Variants in COL4A5 observed in about 807,000 individuals in gnomAD.
COL4A5 encodes collagen type IV alpha 5 chain.
In COL4A5, 26 loss-of-function variants were observed where a neutral mutation model predicts 130.2. That is an observed-to-expected ratio of 0.20 (90% CI 0.15 to 0.28). The LOEUF (loss-of-function observed/expected upper bound fraction) is 0.28. Among genes scored for constraint, COL4A5 ranks in the 10% least tolerant of loss-of-function variants. The pLI, the probability that COL4A5 is intolerant of heterozygous loss-of-function variation, is 1.00. For missense variants in COL4A5, 1,131 were observed against 1,344.3 expected, an observed-to-expected ratio of 0.84 and a Z score of 2.48; for synonymous variants, 496 against 439.6, an observed-to-expected ratio of 1.13 and a Z score of -1.60.
chrX:108,537,200 A>G (rs905179886), intron 1 of COL4A5, among the ~76,000 whole-genome samples: 2 of 111,272 alleles, frequency 1.8e-5, no homozygotes, highest in African/African-American at 3.3e-5. Context: ...CGCCACTGTT[A>G]TAACTGTATA....
At chrX:108,581,561 C>A (rs907645789) in intron 16 of COL4A5, among the ~76,000 whole-genome samples, 2 of 111,160 alleles carry the variant, frequency 1.8e-5, no homozygotes, top group Admixed American at 9.6e-5. Context: ...ATTCCCCTAT[C>A]CCAACCCCCT....
rs2068752901 is a variant in COL4A5 at position 108,697,362 on chromosome X, A to T, written c.*984A>T. Reference sequence around the variant, plus strand: ...GCCTCTGCTTGTACAGAACTGGGAAACAACACTTGGTTAGTCTCTTTTAAG... The same window carrying T: ...GCCTCTGCTTGTACAGAACTGGGAATCAACACTTGGTTAGTCTCTTTTAAG... On this transcript the variant is annotated 3_prime_UTR_variant, in exon 53 of 53. Transcript: ENST00000328300. 1 of 110,589 alleles carries T rather than the reference A, an allele frequency of 9.0e-6. No homozygotes were observed. The highest frequency in any genetic ancestry group is 2.8e-4 in the East Asian group (1 of 3,511). The allele number at this position is 110,589 out of a possible 1,213,427, so 9.1% of individuals were successfully genotyped here.
chrX:108,688,580 G>A (rs1373769662), intron 49 of COL4A5, among the ~76,000 whole-genome samples: 1 of 110,955 alleles, frequency 9.0e-6, no homozygotes, highest in Non-Finnish European at 1.9e-5. Flanking sequence ...GGAATTACAG[G>A]CGCCCGCCAG....
chrX:108,543,460 T>G (rs1279451204), intron 2 of COL4A5, among the ~76,000 whole-genome samples: 7 of 111,514 alleles, frequency 6.3e-5, no homozygotes, highest in Non-Finnish European at 1.1e-4. Context: ...GTGTTCCATT[T>G]GTCTATATCT....
intron 34 of COL4A5, 73 bp downstream of exon 34, chrX:108,624,407 C>A: frequency 2.4e-6 from 2 of 849,864 alleles, no homozygotes; most frequent in South Asian, 2.1e-5. Context: ...ATGTGTTTGT[C>A]ATGTTTGAAG....
chrX:108,486,914 T>C (rs781446915), intron 1 of COL4A5, among the ~76,000 whole-genome samples: 4 of 112,592 alleles, frequency 3.6e-5, no homozygotes, highest in African/African-American at 1.3e-4. Context: ...GTTTTGTTTT[T>C]TCTGTTTGTT....
intron 1 of COL4A5, among the ~76,000 whole-genome samples, chrX:108,492,636 C>G (rs181392989): frequency 9.0e-6 from 1 of 111,516 alleles, no homozygotes; most frequent in Admixed American, 9.6e-5. Context: ...ATGGACAAAT[C>G]GAATATTGAG....
At chrX:108,603,143 A>T in intron 28 of COL4A5, 82 bp downstream of exon 28, 1 of 615,641 alleles carries the variant, frequency 1.6e-6, no homozygotes, top group Non-Finnish European at 2.7e-6. Context: ...TTTGACTCAG[A>T]TATCATCCCA....
intron 1 of COL4A5, among the ~76,000 whole-genome samples, chrX:108,513,622 T>A (rs1948477339): frequency 8.9e-6 from 1 of 111,782 alleles, no homozygotes; most frequent in African/African-American, 3.3e-5. Flanking sequence ...ATTCCTTTTA[T>A]ATCTTGGATA....
intron 33 of COL4A5, 31 bp downstream of exon 33, chrX:108,622,856 T>C (rs1383625462): frequency 8.5e-7 from 1 of 1,172,770 alleles, no homozygotes; most frequent in Non-Finnish European, 1.2e-6. Context: ...ATGAATATTT[T>C]TCCTGATATA....
intron 1 of COL4A5, among the ~76,000 whole-genome samples, chrX:108,447,073 C>A (rs997599272): frequency 9.0e-6 from 1 of 110,990 alleles, no homozygotes; most frequent in Non-Finnish European, 1.9e-5. Flanking sequence ...CTCCCTCCCC[C>A]AGAAGAGTTT....
At chrX:108,550,552 C>A (rs1292662394) in intron 2 of COL4A5, among the ~76,000 whole-genome samples, 6 of 111,590 alleles carry the variant, frequency 5.4e-5, no homozygotes, top group Non-Finnish European at 7.6e-5. Flanking sequence ...ATTTCCTCAA[C>A]CTTAAAGGGC....
At chrX:108,538,308 A>G (rs1383911607) in intron 1 of COL4A5, among the ~76,000 whole-genome samples, 2 of 112,113 alleles carry the variant, frequency 1.8e-5, no homozygotes, top group African/African-American at 6.5e-5. Flanking sequence ...TAAAATCAGT[A>G]TATAACCCCC....
At chrX:108,444,223 C>CT (rs58190150) in intron 1 of COL4A5, among the ~76,000 whole-genome samples, 180 of 97,110 alleles carry the variant, frequency 1.9e-3, no homozygotes, top group African/African-American at 4.5e-3. Flanking sequence ...TTTTTTTTTT[C>CT]TTTTTTTTTT....
intron 1 of COL4A5, among the ~76,000 whole-genome samples, chrX:108,506,011 C>G (rs1202116226): frequency 8.9e-6 from 1 of 112,050 alleles, no homozygotes; most frequent in Non-Finnish European, 1.9e-5. Flanking sequence ...TGAACTTAAA[C>G]ATATTTGATG....
At chrX:108,513,655 T>C (rs1345487142) in intron 1 of COL4A5, among the ~76,000 whole-genome samples, 5 of 111,791 alleles carry the variant, frequency 4.5e-5, no homozygotes, top group African/African-American at 1.6e-4. Context: ...CAGATGTATG[T>C]ATTGTGAATA....
intron 18 of COL4A5, among the ~76,000 whole-genome samples, chrX:108,584,764 G>C (rs1278916246): frequency 9.1e-6 from 1 of 109,707 alleles, no homozygotes; most frequent in Non-Finnish European, 1.9e-5. Flanking sequence ...TTATGGCATT[G>C]GGTTGTTTTG....
At chrX:108,625,854 CT>C (rs777215586) in intron 35 of COL4A5, 60 bp downstream of exon 35, 4 of 866,908 alleles carry the variant, frequency 4.6e-6, no homozygotes, top group East Asian at 3.1e-5. Flanking sequence ...TTCAATATCT[CT>C]TTTTTTGTCA....
intron 2 of COL4A5, among the ~76,000 whole-genome samples, chrX:108,555,498 T>C (rs936856524): frequency 2.7e-5 from 3 of 112,136 alleles, no homozygotes; most frequent in African/African-American, 9.7e-5. Flanking sequence ...GGTCTTGCCT[T>C]CTCCACATGT....
Sources: allele counts gnomAD v4.1 joint callset (sites outside exome capture counted in the v4.1 genomes callset), GRCh38; gene constraint gnomAD v4.1.1; transcripts MANE v1.5; gene names NCBI Gene and HGNC (gene_info 2026-07-23, HGNC 2026-07-21).